CC2D2A: variants seen among roughly 807,000 people sequenced by gnomAD.
CC2D2A encodes the protein coiled-coil and C2 domain containing 2A, also known as coiled-coil and C2 domain-containing protein 2A.
A neutral mutation model predicts 212.9 loss-of-function variants in CC2D2A; 155 were observed. The observed-to-expected ratio is 0.73, with a 90% CI of 0.64 to 0.83. The LOEUF (loss-of-function observed/expected upper bound fraction) is 0.83. Ranked by LOEUF, CC2D2A falls within the 40% of genes least tolerant of loss-of-function variation. The pLI is 0.00. For synonymous variants in CC2D2A, 667 were observed against 686.5 expected (o/e 0.97, Z 0.44); for missense variants, 1,856 against 1,956.2 (o/e 0.95, Z 0.97).
intron 13 of CC2D2A, among the ~76,000 whole-genome samples, chr4:15,529,902 ATTTT>A (rs1717737953): frequency 7.5e-6 from 1 of 132,664 alleles, no homozygotes; most frequent in Middle Eastern, 4.0e-3. Context: ...ATTTTTTTTA[ATTTT>A]ATTATTATTA....
intron 15 of CC2D2A, 31 bp from the exon 16 acceptor site, chr4:15,537,868 G>C: frequency 1.3e-6 from 2 of 1,559,330 alleles, no homozygotes; most frequent in Non-Finnish European, 1.7e-6. Flanking sequence ...CAAAATTCCT[G>C]TTTGATATCA....
chr4:15,569,854 T>C (rs374006313), intron 27 of CC2D2A, among the ~76,000 whole-genome samples: 1 of 152,170 alleles, frequency 6.6e-6, no homozygotes, highest in East Asian at 1.9e-4. Context: ...GTTTAGTAAA[T>C]ATTATCAGTC....
At chr4:15,595,944 CA>C in intron 33 of CC2D2A, 140 bp from the exon 34 acceptor site, 1 of 504,052 alleles carries the variant, frequency 2.0e-6, no homozygotes, top group Non-Finnish European at 3.2e-6. Context: ...TTTTTATAAT[CA>C]AAAAATGACA....
At chr4:15,499,431 A>G (rs1313273761) in intron 4 of CC2D2A, among the ~76,000 whole-genome samples, 1 of 152,230 alleles carries the variant, frequency 6.6e-6, no homozygotes, top group Non-Finnish European at 1.5e-5. Context: ...CTAAAAAATT[A>G]AAGTCTATTA....
chr4:15,512,757 G>A (rs1330035126), intron 8 of CC2D2A, among the ~76,000 whole-genome samples: 1 of 152,114 alleles, frequency 6.6e-6, no homozygotes, highest in African/African-American at 2.4e-5. Flanking sequence ...TTCACGACCA[G>A]GCTTGGCCAA....
At chr4:15,563,583 C>T (rs1169967099) in intron 24 of CC2D2A, 61 bp downstream of exon 24, 12 of 1,528,784 alleles carry the variant, frequency 7.8e-6, no homozygotes, top group Non-Finnish European at 8.0e-6. Flanking sequence ...GTCAATCGCT[C>T]CTTTACAGCA....
At chr4:15,544,528 A>T (rs1338120828) in intron 17 of CC2D2A, among the ~76,000 whole-genome samples, 3 of 152,192 alleles carry the variant, frequency 2.0e-5, no homozygotes, top group African/African-American at 7.2e-5. Flanking sequence ...ACCCACTGGC[A>T]GACTCAGAAA....
chr4:15,596,758 CAT>C (rs1560199514), intron 34 of CC2D2A, among the ~76,000 whole-genome samples: 1 of 152,100 alleles, frequency 6.6e-6, no homozygotes, highest in Admixed American at 6.5e-5. Context: ...GAAATTCTCC[CAT>C]ATGTGTATAA....
At position 15,517,236 on chromosome 4, in the gene CC2D2A, C is replaced by T. The variant is rs1370161360; in HGVS notation, c.1149+480C>T. Among the ~76,000 whole-genome samples the T allele has an allele frequency of 3.9e-5, 6 of 152,066 alleles. 1 individual carries two copies. The highest frequency in any genetic ancestry group is 2.0e-4 in the Admixed American group (3 of 15,272). ...TGCTGGGATTACAGGTGTGAGCCAC[C>T]GCGCCCAGCCCAATGCATCCCTTCT... is the stretch of plus-strand genomic sequence containing the variant. On this transcript the variant is annotated intron_variant, in intron 11 of 36. Transcript: ENST00000424120.
At chr4:15,563,968 CAG>C (rs1719745829) in intron 24 of CC2D2A, 3 of 164,870 alleles carry the variant, frequency 1.8e-5, no homozygotes. Context: ...CGCCGATAGC[CAG>C]AGAGACAGGG....
chr4:15,501,821 C>G (rs1715969245), intron 4 of CC2D2A, among the ~76,000 whole-genome samples: 2 of 152,186 alleles, frequency 1.3e-5, no homozygotes, highest in African/African-American at 4.8e-5. Context: ...TTGAGAAATA[C>G]ATTTGATGCA....
chr4:15,512,218 T>C (rs1297289825), intron 8 of CC2D2A, among the ~76,000 whole-genome samples: 1 of 152,152 alleles, frequency 6.6e-6, no homozygotes. Flanking sequence ...TGTGTATATA[T>C]CCAAAAACAC....
At chr4:15,578,804 G>GT (rs1224659678) in intron 29 of CC2D2A, among the ~76,000 whole-genome samples, 2 of 105,594 alleles carry the variant, frequency 1.9e-5, no homozygotes, top group African/African-American at 6.5e-5. Context: ...TTGTTTGTTT[G>GT]TTTGTTTGTT....
chr4:15,537,907 G>C lies in CC2D2A; in HGVS notation c.1773G>C (p.Lys591Asn). The change falls in exon 16 of 37, where the codon AAG becomes AAC. Residue 591 changes from lysine to asparagine, a missense_variant. Physicochemically the swap from Lys to Asn is moderately conservative, Grantham distance 94. Coordinates refer to ENST00000424120, the MANE Select transcript of CC2D2A (RefSeq NM_001378615.1). ...WKAWRKVQRA[K>N]KKKRKQAAEE... Reference sequence around the variant, plus strand: ...TGCCTCTAACTCAACAGAGGGCCAAGAAGAAGAAAAGGAAACAAGCAGCAG... The same window carrying C: ...TGCCTCTAACTCAACAGAGGGCCAACAAGAAGAAAAGGAAACAAGCAGCAG... 1 of 1,596,492 alleles carries C rather than the reference G, an allele frequency of 6.3e-7. No individual in the cohort carries two copies. Among genetic ancestry groups the C allele is most frequent in the Non-Finnish European group, 8.5e-7 (1 of 1,171,218 alleles).
chr4:15,513,121 T>A (rs1314534699), intron 8 of CC2D2A, among the ~76,000 whole-genome samples: 1 of 152,200 alleles, frequency 6.6e-6, no homozygotes, highest in Non-Finnish European at 1.5e-5. Flanking sequence ...GTACTTTTTT[T>A]ACCTAGATCT....
At position 15,548,281 on chromosome 4, in the gene CC2D2A, C is replaced by T. The variant is rs567254853; in HGVS notation, c.2182-2543C>T. On this transcript the variant is annotated intron_variant, in intron 17 of 36. Transcript: ENST00000424120. The stretch of plus-strand genomic sequence containing the variant: ...AGACTTGGCACCAAGAGCCCCCATT[C>T]AGTTCCTCTCTAGGCACCAGCTAGG... Among the ~76,000 whole-genome samples the T allele has an allele frequency of 1.3e-3, 195 of 152,210 alleles. 2 individuals are homozygous for T. The highest frequency in any genetic ancestry group is 4.5e-3 in the African/African-American group (187 of 41,540).
intron 4 of CC2D2A, among the ~76,000 whole-genome samples, chr4:15,496,047 C>A (rs1715595948): frequency 6.6e-6 from 1 of 152,166 alleles, no homozygotes; most frequent in East Asian, 1.9e-4. Context: ...TGAAAATTAT[C>A]TGTTCAAGTT....
intron 4 of CC2D2A, among the ~76,000 whole-genome samples, chr4:15,500,623 A>G (rs1715895089): frequency 6.6e-6 from 1 of 152,176 alleles, no homozygotes; most frequent in Admixed American, 6.6e-5. Flanking sequence ...ATAGCTTTCT[A>G]TCACACATAT....
intron 4 of CC2D2A, among the ~76,000 whole-genome samples, chr4:15,500,107 G>GTATATATATATATA (rs55743422): frequency 2.7e-5 from 3 of 112,932 alleles, no homozygotes; most frequent in African/African-American, 3.6e-5. Flanking sequence ...GTGTGTGTGT[G>GTATATATATATATA]TATATATATA....
Sources: gnomAD v4.1 joint callset for allele counts (sites outside exome capture counted in the v4.1 genomes callset) on GRCh38, gnomAD v4.1.1 for gene constraint, MANE v1.5 for transcripts, NCBI Gene and HGNC (gene_info 2026-07-23, HGNC 2026-07-21) for gene names.